The following SHTN1 variants were observed in gnomAD, a reference collection of about 807,000 sequenced individuals.
The protein encoded by SHTN1 is shootin 1.
SHTN1 carries 42 observed loss-of-function variants against 83.1 expected under a neutral mutation model. That is an observed-to-expected ratio of 0.51 (90% CI 0.39 to 0.65). The LOEUF is 0.65. SHTN1 is among the 30% of genes least tolerant of loss of function. The pLI, the probability that SHTN1 is intolerant of heterozygous loss-of-function variation, is 0.00. For synonymous variants in SHTN1, 224 were observed against 247.7 expected (o/e 0.90, Z 0.90); for missense variants, 622 against 737.8 (o/e 0.84, Z 1.82).
intron 1 of SHTN1, among the ~76,000 whole-genome samples, chr10:117,050,376 C>T (rs751699191): frequency 2.9e-4 from 44 of 151,992 alleles, no homozygotes; most frequent in Non-Finnish European, 4.7e-4. Flanking sequence ...AAAGAAATCA[C>T]GAGAATGACT....
In SHTN1 at chr10:117,086,208, G is replaced by A. The variant is rs893536403; in HGVS notation, c.-188-37698C>T. Among the ~76,000 whole-genome samples, 7 of 152,098 alleles carry A rather than the reference G, an allele frequency of 4.6e-5. No homozygotes were observed. In the East Asian group the frequency reaches 5.8e-4, roughly 13 times the overall value. On this transcript the variant is annotated intron_variant, in intron 1 of 17. Transcript: ENST00000392901. Reference sequence around the variant, plus strand: ...GCTGGGATTACAGGCGTGAGCCACCGCGTCCATCATGAGCCACCGCGCCCG... The same window carrying A: ...GCTGGGATTACAGGCGTGAGCCACCACGTCCATCATGAGCCACCGCGCCCG...
intron 2 of SHTN1, among the ~76,000 whole-genome samples, chr10:117,038,508 TA>T (rs34274887): frequency 0.65 from 98,939 of 151,134 alleles, 36,079 homozygotes; most frequent in Middle Eastern, 0.84. Context: ...TGGACTGCAT[TA>T]AAAAAAAAAT....
At chr10:117,018,506 T>TA (rs1404724625) in intron 2 of SHTN1, among the ~76,000 whole-genome samples, 3 of 150,016 alleles carry the variant, frequency 2.0e-5, no homozygotes, top group Admixed American at 6.6e-5. Context: ...TGTATTTTTT[T>TA]TAAAAAAAAA....
At chr10:116,915,347 G>A in intron 13 of SHTN1, 28 bp downstream of exon 13, 1 of 1,164,720 alleles carries the variant, frequency 8.6e-7, no homozygotes, top group South Asian at 1.3e-5. Context: ...ATATCAAACA[G>A]GGAAAAAAGC....
At chr10:116,930,700 G>A (rs948076457) in intron 9 of SHTN1, among the ~76,000 whole-genome samples, 3 of 152,164 alleles carry the variant, frequency 2.0e-5, no homozygotes, top group Admixed American at 6.5e-5. Flanking sequence ...ATGTGTGCAC[G>A]TGTCTTTATG....
chr10:117,118,504 A>G (rs1173637709), intron 1 of SHTN1, among the ~76,000 whole-genome samples: 1 of 152,166 alleles, frequency 6.6e-6, no homozygotes, highest in African/African-American at 2.4e-5. Context: ...TCCTCAAAAA[A>G]CTAAAAATAG....
intron 9 of SHTN1, among the ~76,000 whole-genome samples, chr10:116,936,156 G>A (rs1849151608): frequency 6.6e-6 from 1 of 151,924 alleles, no homozygotes; most frequent in Non-Finnish European, 1.5e-5. Flanking sequence ...TTTTTTTTGT[G>A]TCTCTATCTC....
At chr10:116,924,840 C>G (rs1848686740) in intron 11 of SHTN1, among the ~76,000 whole-genome samples, 4 of 143,476 alleles carry the variant, frequency 2.8e-5, no homozygotes, top group Non-Finnish European at 4.5e-5. Flanking sequence ...TCGCTGCAAG[C>G]TCTGCCTCCC....
In SHTN1 at chr10:116,931,135, C is replaced by CAAAAA. The variant is rs57720678; in HGVS notation, c.859-1138_859-1134dup. 5.3e-5 allele frequency among the ~76,000 whole-genome samples: 7 copies of CAAAAA among 131,172 alleles called. No individual in the cohort carries two copies. The East Asian group carries it at 1.3e-3, about 24-fold the overall frequency. The allele number at this position is 131,172 out of a possible 152,430, so 86.1% of individuals were successfully genotyped here. A position where few individuals can be genotyped will look rare whatever the true frequency, so the allele number is the denominator to read the frequency against. On this transcript the variant is annotated intron_variant, in intron 9 of 16. Coordinates refer to ENST00000355371, the MANE Select transcript of SHTN1 (RefSeq NM_001127211.3). ...TTTAGTAATAAGTATCAAAAGTCTT[C>CAAAAA]AAAAAAAAAAAAAAAGGAAAGGCTT... is the stretch of plus-strand genomic sequence containing the variant.
intron 5 of SHTN1, among the ~76,000 whole-genome samples, chr10:116,953,622 TG>T (rs1290494659): frequency 0.019 from 2,371 of 124,260 alleles, 121 homozygotes; most frequent in African/African-American, 0.057. Flanking sequence ...TTTTGTGTTT[TG>T]TTTTTTTTTT....
chr10:116,901,699 G>GA, intron 16 of SHTN1, 66 bp downstream of exon 16: 1 of 1,418,352 alleles, frequency 7.1e-7, no homozygotes, highest in South Asian at 1.7e-5. Context: ...ACAAATCAAA[G>GA]AAACACACAA....
At chr10:117,069,313 C>G (rs900865440) in intron 1 of SHTN1, among the ~76,000 whole-genome samples, 1 of 152,104 alleles carries the variant, frequency 6.6e-6, no homozygotes, top group African/African-American at 2.4e-5. Flanking sequence ...GGGCACCAAT[C>G]TCGGATTAGA....
chr10:117,095,193 C>G (rs1485074141), intron 1 of SHTN1, among the ~76,000 whole-genome samples: 2 of 152,200 alleles, frequency 1.3e-5, no homozygotes, highest in Admixed American at 6.5e-5. Flanking sequence ...ACTAATTAGG[C>G]AGTGACCAAC....
chr10:117,101,708 C>A (rs944726857), intron 1 of SHTN1, among the ~76,000 whole-genome samples: 1 of 152,096 alleles, frequency 6.6e-6, no homozygotes, highest in African/African-American at 2.4e-5. Flanking sequence ...AAGTTTCCAA[C>A]ACAAAGCTAT....
chr10:116,919,503 A>C (rs1251257900), intron 12 of SHTN1, among the ~76,000 whole-genome samples: 1 of 152,172 alleles, frequency 6.6e-6, no homozygotes, highest in Non-Finnish European at 1.5e-5. Flanking sequence ...ATAGGTCCTA[A>C]AACCGGGGGT....
At chr10:117,027,220 CTCATGGGACTGG>C (rs1420053640) in intron 2 of SHTN1, among the ~76,000 whole-genome samples, 11 of 152,018 alleles carry the variant, frequency 7.2e-5, no homozygotes, top group Non-Finnish European at 1.2e-4. Context: ...AGGTGACTGG[CTCATGGGACTGG>C]TTTCTCATGA....
chr10:117,017,874 C>T (rs1462636829), intron 2 of SHTN1, among the ~76,000 whole-genome samples: 1 of 152,158 alleles, frequency 6.6e-6, no homozygotes, highest in Non-Finnish European at 1.5e-5. Flanking sequence ...ATGAGAAATA[C>T]ACCTCTCTTC....
At chr10:116,902,013 T>C in intron 15 of SHTN1, 56 bp from the exon 16 acceptor site, 2 of 1,439,528 alleles carry the variant, frequency 1.4e-6, no homozygotes, top group Non-Finnish European at 1.9e-6. Context: ...CTTATTAATA[T>C]GGTACTGAAA....
At chr10:117,036,785 G>A (rs1325946934) in intron 2 of SHTN1, among the ~76,000 whole-genome samples, 1 of 152,132 alleles carries the variant, frequency 6.6e-6, no homozygotes, top group Non-Finnish European at 1.5e-5. Flanking sequence ...GAGTATAATA[G>A]AATTGTTTGT....
Sources: gnomAD v4.1 joint callset for allele counts (sites outside exome capture counted in the v4.1 genomes callset) on GRCh38, gnomAD v4.1.1 for gene constraint, MANE v1.5 for transcripts, NCBI Gene and HGNC (gene_info 2026-07-23, HGNC 2026-07-21) for gene names.